DYSF: variants seen among roughly 807,000 people sequenced by gnomAD.
DYSF encodes dysferlin.
DYSF carries 212 observed loss-of-function variants against 274.9 expected under a neutral mutation model. That is an observed-to-expected ratio of 0.77 (90% confidence interval 0.69 to 0.86). DYSF has a LOEUF of 0.86. Ranked by LOEUF, DYSF falls within the 40% of genes least tolerant of loss-of-function variation. DYSF has a pLI of 0.00. For synonymous variants in DYSF, 1,091 were observed against 1,078.7 expected, an observed-to-expected ratio of 1.01 and a Z score of -0.22; for missense variants, 2,666 against 2,783.2, an observed-to-expected ratio of 0.96 and a Z score of 0.95.
At chr2:71,686,415 T>C (rs766486832) in intron 55 of DYSF, 39 bp from the exon 56 acceptor site, 2 of 1,613,196 alleles carry the variant, frequency 1.2e-6, no homozygotes, top group Middle Eastern at 1.8e-4. Flanking sequence ...CCTGCCCCAG[T>C]GGGATCACCA....
chr2:71,477,507 G>A (rs1405388795), intron 1 of DYSF, among the ~76,000 whole-genome samples: 2 of 152,068 alleles, frequency 1.3e-5, no homozygotes. Flanking sequence ...TGTAAAGCAG[G>A]CAGATTGCTC....
intron 22 of DYSF, among the ~76,000 whole-genome samples, chr2:71,557,588 G>A (rs1037601467): frequency 3.9e-5 from 6 of 152,136 alleles, no homozygotes; most frequent in Admixed American, 1.3e-4. Context: ...CTGGACATAC[G>A]GCAGGTGAGC....
intron 26 of DYSF, among the ~76,000 whole-genome samples, chr2:71,569,284 G>A (rs974525250): frequency 2.0e-5 from 3 of 152,140 alleles, no homozygotes; most frequent in Non-Finnish European, 4.4e-5. Flanking sequence ...AACCCTTCTC[G>A]TGTCTGGGCT....
intron 1 of DYSF, among the ~76,000 whole-genome samples, chr2:71,469,267 C>T (rs2152649850): frequency 6.6e-6 from 1 of 152,296 alleles, no homozygotes; most frequent in South Asian, 2.1e-4. Context: ...AGGTTCAGAA[C>T]TTACAGAGCA....
At chr2:71,539,841 A>G (rs563543962) in intron 17 of DYSF, among the ~76,000 whole-genome samples, 1 of 152,360 alleles carries the variant, frequency 6.6e-6, no homozygotes, top group African/African-American at 2.4e-5. Flanking sequence ...TTGATACTTG[A>G]CAATACAACA....
At chr2:71,629,237 C>G (rs541037043) in intron 41 of DYSF, among the ~76,000 whole-genome samples, 18 of 152,280 alleles carry the variant, frequency 1.2e-4, no homozygotes, top group African/African-American at 4.1e-4. Context: ...CTATTTTACC[C>G]TATCTATTGA....
chr2:71,543,110 G>A (rs1330014303), intron 17 of DYSF, among the ~76,000 whole-genome samples: 3 of 149,568 alleles, frequency 2.0e-5, no homozygotes, highest in Non-Finnish European at 4.5e-5. Context: ...CAGACGGGGC[G>A]GCTGCCGGGC....
At chr2:71,540,131 A>G (rs1192714781) in intron 17 of DYSF, among the ~76,000 whole-genome samples, 1 of 126,856 alleles carries the variant, frequency 7.9e-6, no homozygotes, top group African/African-American at 3.3e-5. Flanking sequence ...TTTTTTTTTG[A>G]GATGGAGTCT....
intron 52 of DYSF, among the ~76,000 whole-genome samples, chr2:71,675,234 G>A (rs1020955037): frequency 6.6e-6 from 1 of 152,148 alleles, no homozygotes; most frequent in African/African-American, 2.4e-5. Context: ...GGTGGTGAAG[G>A]TTGCACAACT....
intron 24 of DYSF, 69 bp from the exon 25 acceptor site, chr2:71,567,882 C>T: frequency 6.3e-7 from 1 of 1,595,256 alleles, no homozygotes; most frequent in Admixed American, 1.7e-5. Flanking sequence ...ACTCCTCCTC[C>T]CCAGCCTCTC....
At chr2:71,543,672 C>G (rs1035456506) in intron 17 of DYSF, among the ~76,000 whole-genome samples, 1 of 152,332 alleles carries the variant, frequency 6.6e-6, no homozygotes, top group Admixed American at 6.5e-5. Context: ...CCAGCCCGGC[C>G]AACACAGCGA....
At chr2:71,595,069 G>C (rs559326666) in intron 32 of DYSF, among the ~76,000 whole-genome samples, 49 of 152,284 alleles carry the variant, frequency 3.2e-4, no homozygotes, top group South Asian at 8.3e-4. Context: ...TAGCTTTTTG[G>C]TGAATCTGGA....
intron 10 of DYSF, among the ~76,000 whole-genome samples, chr2:71,517,981 CCCT>C (rs1382599650): frequency 6.6e-6 from 1 of 152,140 alleles, no homozygotes; most frequent in African/African-American, 2.4e-5. Flanking sequence ...GTTTGGGCAG[CCCT>C]CCTCCTCATC....
Position 71,686,649 on chromosome 2 carries a change from A to G in DYSF, c.*157A>G. ...CAGATGGACCGGCCCACACTCCCAG[A>G]GTTGCTAACATGGAGCTCTGAGATC... On this transcript the variant is annotated 3_prime_UTR_variant, in exon 56 of 56. Coordinates refer to ENST00000410020, the MANE Select transcript of DYSF (RefSeq NM_001130987.2). 1.2e-6 allele frequency: 1 copy of G among 827,920 alleles called. No homozygotes were observed. The highest frequency in any genetic ancestry group is 2.0e-6 in the Non-Finnish European group (1 of 490,888). 51.3% of individuals were successfully genotyped at this position (827,920 alleles called of 1,614,324 possible). A position where few individuals can be genotyped will look rare whatever the true frequency, so the allele number is the denominator to read the frequency against.
At chr2:71,454,790 C>T (rs536455152) in intron 1 of DYSF, among the ~76,000 whole-genome samples, 1 of 152,210 alleles carries the variant, frequency 6.6e-6, no homozygotes, top group South Asian at 2.1e-4. Flanking sequence ...TTGGGACCTC[C>T]TATAGGAGGG....
intron 43 of DYSF, among the ~76,000 whole-genome samples, chr2:71,657,135 T>C (rs1036616831): frequency 1.3e-5 from 2 of 152,120 alleles, no homozygotes; most frequent in Non-Finnish European, 2.9e-5. Flanking sequence ...ATTGGGTAAA[T>C]ACAGCCATTC....
intron 3 of DYSF, among the ~76,000 whole-genome samples, chr2:71,483,616 T>C (rs966335003): frequency 7.2e-5 from 11 of 152,104 alleles, no homozygotes; most frequent in Admixed American, 5.9e-4. Flanking sequence ...CTGAGGAGAA[T>C]AGCAGCAAAG....
Position 71,615,408 on chromosome 2 carries a change from G to T in DYSF, c.4464+1998G>T, listed in dbSNP as rs938756803. On this transcript the variant is annotated intron_variant, in intron 40 of 55. Transcript: ENST00000410020. This position sits in a 1 kb window ranked among gnomAD's most constrained non-coding sequence, Gnocchi z 4.9. ...AAATGACACTGATTTGCTCTGATGG[G>T]GGAGGCTTGGACCTTGCCCTCATGG... Among the ~76,000 whole-genome samples, 2 of 152,100 alleles carry T rather than the reference G, an allele frequency of 1.3e-5. No homozygotes were observed. Among genetic ancestry groups the T allele is most frequent in the African/African-American group, 4.8e-5 (2 of 41,422 alleles).
chr2:71,502,614 C>A (rs1346364287), intron 3 of DYSF, among the ~76,000 whole-genome samples: 1 of 152,176 alleles, frequency 6.6e-6, no homozygotes, highest in Non-Finnish European at 1.5e-5. Context: ...ATGTGCCCCA[C>A]CCCTCCTGTC....
Sources: gnomAD v4.1 joint callset for allele counts (sites outside exome capture counted in the v4.1 genomes callset) on GRCh38, gnomAD v4.1.1 for gene constraint, Gnocchi (gnomAD v3.1) non-coding constraint, MANE v1.5 for transcripts, NCBI Gene and HGNC (gene_info 2026-07-23, HGNC 2026-07-21) for gene names.